TNKS: variants seen among roughly 807,000 people sequenced by gnomAD.
TNKS encodes tankyrase.
Under a neutral mutation model 135.8 loss-of-function variants are expected in TNKS, and 72 were observed. That is an observed-to-expected ratio of 0.53 (90% confidence interval 0.44 to 0.64). The LOEUF (loss-of-function observed/expected upper bound fraction) is 0.64, where lower values mean the gene tolerates loss of function less well. Among genes scored for constraint, TNKS ranks in the 30% least tolerant of loss-of-function variants. The probability of loss-of-function intolerance (pLI) is 0.00; values close to 1 mark genes in which losing one functional copy is unlikely to be tolerated. For missense variants in TNKS, 1,769 were observed against 1,674.0 expected (o/e 1.06, Z -0.99); for synonymous variants, 849 against 649.3 (o/e 1.31, Z -4.68).
intron 3 of TNKS, among the ~76,000 whole-genome samples, chr8:9,674,104 T>G (rs775124962): frequency 6.6e-6 from 1 of 152,204 alleles, no homozygotes; most frequent in African/African-American, 2.4e-5. Flanking sequence ...TCAAATAACT[T>G]TGTTTTGTTT....
intron 15 of TNKS, 61 bp from the exon 16 acceptor site, chr8:9,734,804 C>G (rs939819307): frequency 5.1e-5 from 70 of 1,374,600 alleles, no homozygotes; most frequent in Non-Finnish European, 6.5e-5. Flanking sequence ...AATTACCTAC[C>G]TACCTACCTA....
intron 26 of TNKS, among the ~76,000 whole-genome samples, chr8:9,773,051 A>G (rs1272985100): frequency 6.6e-6 from 1 of 151,876 alleles, no homozygotes; most frequent in East Asian, 1.9e-4. Flanking sequence ...AAAGTTTACA[A>G]AAAGGAAGGA....
chr8:9,609,890 C>G (rs1475762125), intron 2 of TNKS, among the ~76,000 whole-genome samples: 1 of 152,096 alleles, frequency 6.6e-6, no homozygotes, highest in African/African-American at 2.4e-5. Context: ...TGGAGTCTCG[C>G]TCTGTCGGCC....
chr8:9,602,939 A>C (rs4841179), intron 2 of TNKS, among the ~76,000 whole-genome samples: 1 of 152,074 alleles, frequency 6.6e-6, no homozygotes, highest in African/African-American at 2.4e-5. Flanking sequence ...TACTTGATCT[A>C]TATTTGGGTT....
At chr8:9,612,056 G>C (rs1309048634) in intron 2 of TNKS, among the ~76,000 whole-genome samples, 1 of 152,104 alleles carries the variant, frequency 6.6e-6, no homozygotes, top group East Asian at 1.9e-4. Context: ...CATTATCAGA[G>C]ATTTGAGACC....
At chr8:9,558,533 C>T (rs998804495) in intron 1 of TNKS, 3 of 152,104 alleles carry the variant, frequency 2.0e-5, no homozygotes, top group Non-Finnish European at 4.4e-5. Flanking sequence ...CTCACCATCC[C>T]ACTTTATGCG....
At chr8:9,776,070 AAG>A (rs1193460636) in intron 26 of TNKS, among the ~76,000 whole-genome samples, 3 of 152,024 alleles carry the variant, frequency 2.0e-5, no homozygotes, top group Non-Finnish European at 2.9e-5. Context: ...AAAAAAGAGA[AAG>A]AGAATATGAA....
chr8:9,693,794 A>G (rs959026720), intron 5 of TNKS, among the ~76,000 whole-genome samples: 4 of 152,352 alleles, frequency 2.6e-5, no homozygotes, highest in South Asian at 2.1e-4. Flanking sequence ...GTAGAGTACA[A>G]TATGTCACCT....
chr8:9,757,455 T>C (rs1158259766), intron 20 of TNKS, among the ~76,000 whole-genome samples: 1 of 152,228 alleles, frequency 6.6e-6, no homozygotes, highest in Non-Finnish European at 1.5e-5. Context: ...ATTTTCCCTT[T>C]GCACATGGTA....
intron 3 of TNKS, among the ~76,000 whole-genome samples, chr8:9,655,376 A>T (rs562876558): frequency 6.6e-6 from 1 of 152,244 alleles, no homozygotes; most frequent in Non-Finnish European, 1.5e-5. Context: ...TCCCTGTCTG[A>T]CAGCTTTGAA....
rs374380339 is a variant in TNKS at position 9,653,533 on chromosome 8, G to A, written c.995-26418G>A. 2.6e-5 allele frequency among the ~76,000 whole-genome samples: 4 copies of A among 151,776 alleles called. No individual in the cohort carries two copies. The East Asian group carries it at 7.8e-4, about 30-fold the overall frequency. On this transcript the variant is annotated intron_variant, in intron 3 of 26. Transcript: ENST00000310430. ...CAGCAGAGAAGAAGAAGGGGAAGTG[G>A]GCACAAGCAAAGACGCCAAGCATGA...
intron 13 of TNKS, 100 bp from the exon 14 acceptor site, chr8:9,730,790 A>T: frequency 7.5e-7 from 1 of 1,329,378 alleles, no homozygotes; most frequent in Non-Finnish European, 1.0e-6. Context: ...TTAGACAATT[A>T]TAATTTACTT....
chr8:9,781,587 T>C lies in TNKS; in HGVS notation c.*4851T>C, dbSNP rs1563233912. On this transcript the variant is annotated 3_prime_UTR_variant, in exon 27 of 27. Coordinates refer to ENST00000310430, the MANE Select transcript of TNKS (RefSeq NM_003747.3). ...CATATAACACCTGCTTCTGCTCCCATTGTTTCAAGCTCATCTTATCTTTGT... is the reference window on the plus strand; with the variant it reads ...CATATAACACCTGCTTCTGCTCCCACTGTTTCAAGCTCATCTTATCTTTGT... 2 of 152,540 alleles carry C rather than the reference T, an allele frequency of 1.3e-5. No homozygotes were observed. The highest frequency in any genetic ancestry group is 4.8e-5 in the African/African-American group (2 of 41,462). 9.4% of individuals were successfully genotyped at this position (152,540 alleles called of 1,614,324 possible). A position where few individuals can be genotyped will look rare whatever the true frequency, so the allele number is the denominator to read the frequency against.
chr8:9,604,838 G>T (rs1432801279), intron 2 of TNKS, among the ~76,000 whole-genome samples: 1 of 150,436 alleles, frequency 6.6e-6, no homozygotes, highest in Non-Finnish European at 1.5e-5. Flanking sequence ...AGGCCTTTTA[G>T]TTTCCATCTT....
chr8:9,665,212 C>G (rs1006921986), intron 3 of TNKS, among the ~76,000 whole-genome samples: 1 of 152,174 alleles, frequency 6.6e-6, no homozygotes, highest in Non-Finnish European at 1.5e-5. Flanking sequence ...AGCTTCCTGT[C>G]AAACTAGCTT....
At chr8:9,585,821 G>T (rs1322991557) in intron 2 of TNKS, among the ~76,000 whole-genome samples, 1 of 152,076 alleles carries the variant, frequency 6.6e-6, no homozygotes, top group Non-Finnish European at 1.5e-5. Context: ...TTTCTTGGGA[G>T]CGCAAAATTC....
chr8:9,677,994 C>G (rs960436587), intron 3 of TNKS, among the ~76,000 whole-genome samples: 1 of 152,182 alleles, frequency 6.6e-6, no homozygotes, highest in African/African-American at 2.4e-5. Context: ...CCCAACTACC[C>G]TTCCAATCAT....
chr8:9,756,454 T>G (rs1806837157), intron 20 of TNKS, among the ~76,000 whole-genome samples: 1 of 151,954 alleles, frequency 6.6e-6, no homozygotes, highest in African/African-American at 2.4e-5. Context: ...AATTTTATTT[T>G]AATGTATACT....
intron 15 of TNKS, 82 bp downstream of exon 15, chr8:9,733,526 A>G: frequency 8.1e-7 from 1 of 1,230,172 alleles, no homozygotes; most frequent in Non-Finnish European, 1.1e-6. Context: ...GGGGTATGTT[A>G]TTCTATTAAG....
Sources: gnomAD v4.1 joint callset for allele counts (sites outside exome capture counted in the v4.1 genomes callset) on GRCh38, gnomAD v4.1.1 for gene constraint, MANE v1.5 for transcripts, NCBI Gene and HGNC (gene_info 2026-07-23, HGNC 2026-07-21) for gene names.